The following KNDC1 variants were observed in gnomAD, a reference collection of about 807,000 sequenced individuals.
KNDC1 encodes the protein kinase non-catalytic C-lobe domain containing 1.
Under a neutral mutation model 172.8 loss-of-function variants are expected in KNDC1, and 106 were observed. That is an observed-to-expected ratio of 0.61 (90% CI 0.52 to 0.72). The LOEUF is 0.72. Among genes scored for constraint, KNDC1 ranks in the 30% least tolerant of loss-of-function variants. The probability of loss-of-function intolerance (pLI) is 0.00; values close to 1 mark genes in which losing one functional copy is unlikely to be tolerated. For missense variants in KNDC1, 2,325 were observed against 2,394.5 expected (o/e 0.97, Z 0.61); for synonymous variants, 1,083 against 1,062.2 (o/e 1.02, Z -0.38).
intron 3 of KNDC1, among the ~76,000 whole-genome samples, chr10:133,170,357 A>ATCTGGGGTCTGGCCTGGGG (rs1478939967): frequency 6.6e-6 from 1 of 151,170 alleles, no homozygotes; most frequent in African/African-American, 2.4e-5. Flanking sequence ...GGGGCCTGGG[A>ATCTGGGGTCTGGCCTGGGG]TCTGGGGTCT....
At chr10:133,205,111 G>A (rs970294419) in intron 17 of KNDC1, among the ~76,000 whole-genome samples, 3 of 151,498 alleles carry the variant, frequency 2.0e-5, no homozygotes, top group Admixed American at 6.6e-5. Flanking sequence ...CTAGAGGGAA[G>A]GGCCGTCTCT....
intron 9 of KNDC1, 105 bp downstream of exon 9, chr10:133,189,918 G>A (rs1388179755): frequency 2.0e-6 from 2 of 1,000,058 alleles, no homozygotes; most frequent in South Asian, 2.7e-5. Flanking sequence ...AGGGAGTCAG[G>A]GCAGCCCTTC....
At chr10:133,213,782 C>T (rs1845421313) in intron 25 of KNDC1, 55 bp downstream of exon 25, 1 of 1,543,984 alleles carries the variant, frequency 6.5e-7, no homozygotes, top group African/African-American at 1.4e-5. Context: ...CGGGGGCTTC[C>T]CGTAAGAGTC....
chr10:133,169,497 C>T (rs915900069), intron 3 of KNDC1, among the ~76,000 whole-genome samples: 2 of 152,248 alleles, frequency 1.3e-5, no homozygotes, highest in African/African-American at 4.8e-5. Context: ...TGGCTTCCCG[C>T]ACCCTGCTTA....
chr10:133,165,145 A>G (rs1853107212), intron 1 of KNDC1, among the ~76,000 whole-genome samples: 1 of 152,204 alleles, frequency 6.6e-6, no homozygotes, highest in South Asian at 2.1e-4. Flanking sequence ...GGCTGAGACC[A>G]TCCTATCCCT....
intron 26 of KNDC1, among the ~76,000 whole-genome samples, chr10:133,214,362 C>G (rs111868825): frequency 6.6e-6 from 1 of 152,186 alleles, no homozygotes; most frequent in African/African-American, 2.4e-5. Context: ...GCCACATCCA[C>G]GGCCACATCC....
At chr10:133,211,126 G>A (rs1000177906) in intron 21 of KNDC1, among the ~76,000 whole-genome samples, 1 of 152,082 alleles carries the variant, frequency 6.6e-6, no homozygotes, top group South Asian at 2.1e-4. Context: ...CTGGTGTCAG[G>A]AGAGGGGTGG....
chr10:133,165,045 G>A (rs1445713176), intron 1 of KNDC1, among the ~76,000 whole-genome samples: 1 of 152,200 alleles, frequency 6.6e-6, no homozygotes, highest in Non-Finnish European at 1.5e-5. Context: ...GTTCAGGCCT[G>A]GGAGCCCTCA....
At chr10:133,205,522 G>A (rs181583815) in intron 17 of KNDC1, among the ~76,000 whole-genome samples, 41 of 152,344 alleles carry the variant, frequency 2.7e-4, no homozygotes, top group Admixed American at 1.4e-3. Flanking sequence ...CAACGCTCAT[G>A]CTCTATGGAG....
intron 3 of KNDC1, 150 bp from the exon 4 acceptor site, chr10:133,183,194 G>A (rs1385673087): frequency 3.9e-5 from 38 of 970,984 alleles, no homozygotes; most frequent in Non-Finnish European, 5.0e-5. Context: ...GGGCGGCAAG[G>A]GTGTGGGCAG....
intron 9 of KNDC1, among the ~76,000 whole-genome samples, chr10:133,192,235 G>A (rs1854085691): frequency 2.0e-5 from 3 of 152,182 alleles, no homozygotes; most frequent in South Asian, 4.1e-4. Context: ...GAGGCATCAC[G>A]TTACCCAACT....
At chr10:133,188,361 C>T (rs1391040245) in intron 6 of KNDC1, among the ~76,000 whole-genome samples, 178 bp from the exon 7 acceptor site, 2 of 152,194 alleles carry the variant, frequency 1.3e-5, no homozygotes, top group African/African-American at 2.4e-5. Context: ...AGTCTCCCCA[C>T]GGCCCCCACA....
chr10:133,212,774 G>T lies in KNDC1; in HGVS notation c.4295G>T (p.Arg1432Leu). Residue 1432 changes from arginine (R) to leucine (L), a missense_variant, in exon 24 of 30, where the codon CGC (arginine) becomes CTC (leucine). Coordinates refer to ENST00000304613, the MANE Select transcript of KNDC1 (RefSeq NM_152643.8). The part of the protein sequence containing the change: ...NGLVLPPHKE[R>L]PYTIAAALPK... ...CTGGTGCTGCCGCCACACAAGGAGC[G>T]CCCCTACACCATTGCTGCCGCCCTG... is the stretch of plus-strand genomic sequence containing the variant. 6.2e-7 allele frequency: 1 copy of T among 1,613,868 alleles called. No homozygotes were observed. Among genetic ancestry groups the T allele is most frequent in the Non-Finnish European group, 8.5e-7 (1 of 1,179,920 alleles).
chr10:133,224,864 C>CGGA lies in KNDC1; in HGVS notation c.5228_5230dup (p.Arg1743dup), dbSNP rs1564904976. 1 of 1,613,738 alleles carries CGGA rather than the reference C, an allele frequency of 6.2e-7. No homozygotes were observed. The highest frequency in any genetic ancestry group is 8.5e-7 in the Non-Finnish European group (1 of 1,179,862). On this transcript the variant is annotated inframe_insertion, in exon 30 of 30. Transcript: ENST00000304613. The surrounding 1 kb of genome is among the most constrained non-coding windows in gnomAD (Gnocchi z 5.4). ...CTCACGGAAGATTCAGGACAAGCTA[C>CGGA]GGAGGATGAAGGCTACATTCCAGTA...
chr10:133,219,083 C>T lies in KNDC1; in HGVS notation c.4853C>T (p.Ala1618Val), dbSNP rs1191095613. 1.1e-5 allele frequency: 17 copies of T among 1,613,710 alleles called. No homozygotes were observed. The highest frequency in any genetic ancestry group is 1.4e-5 in the Non-Finnish European group (16 of 1,179,882). Reference sequence around the variant, plus strand: ...GCAGAGGTCATGGAGGAGCTGAAAGCCGTGGAGGTACCAGCACTTTACGTG... The same window carrying T: ...GCAGAGGTCATGGAGGAGCTGAAAGTCGTGGAGGTACCAGCACTTTACGTG... The part of the protein sequence containing the change: ...KIAEVMEELK[A>V]VEVFLKSDSL... Residue 1618 changes from alanine to valine, a missense_variant, in exon 28 of 30, where the codon GCC becomes GTC. By Grantham distance (64) the Ala-to-Val change is moderately conservative (BLOSUM62 0). Transcript: ENST00000304613.
At chr10:133,168,893 GGAGTCGGGCAACGGCAGCCCA>G (rs1411854139) in intron 3 of KNDC1, among the ~76,000 whole-genome samples, 1 of 152,238 alleles carries the variant, frequency 6.6e-6, no homozygotes, top group Admixed American at 6.5e-5. Flanking sequence ...TTGCGTGGGA[GGAGTCGGGCAACGGCAGCCCA>G]GCGCCTTGAG....
chr10:133,200,356 C>T lies in KNDC1; in HGVS notation c.2904-19C>T. On this transcript the variant is annotated intron_variant, in intron 15 of 29. Transcript: ENST00000304613. ...CCCAGTGGGCGGAGGTGGGGACTGA[C>T]CTGCATTCTCGTCGTCAGCACGGCC... The T allele has an allele frequency of 1.3e-6, 2 of 1,567,806 alleles. No homozygotes were observed. Among genetic ancestry groups the T allele is most frequent in the Non-Finnish European group, 1.7e-6 (2 of 1,157,394 alleles).
chr10:133,163,520 A>G lies in KNDC1; in HGVS notation c.102+2951A>G, dbSNP rs938569821. 6.6e-6 allele frequency among the ~76,000 whole-genome samples: 1 copy of G among 152,164 alleles called. No individual in the cohort carries two copies. Among genetic ancestry groups the G allele is most frequent in the African/African-American group, 2.4e-5 (1 of 41,434 alleles). On this transcript the variant is annotated intron_variant, in intron 1 of 29. Coordinates refer to ENST00000304613, the MANE Select transcript of KNDC1 (RefSeq NM_152643.8). This position sits in a 1 kb window ranked among gnomAD's most constrained non-coding sequence, Gnocchi z 4.4. ...GGTGGTTTTGTGGTGGGGGCCTGGC[A>G]GTGTGAAGAGAGCTGTCAGGAGGCC...
Position 133,198,855 on chromosome 10 carries a change from C to T in KNDC1, c.2347C>T (p.Pro783Ser). 6.3e-7 allele frequency: 1 copy of T among 1,598,776 alleles called. No homozygotes were observed. Among genetic ancestry groups the T allele is most frequent in the Non-Finnish European group, 8.5e-7 (1 of 1,175,834 alleles). The stretch of plus-strand genomic sequence containing the variant: ...ATCGGCAGCTCCCGGCTCTCCAGTC[C>T]CCGCCCCGCCCACGAAGGCATCTGC... ...ASSAAPGSPV[P>S]APPTKASALP... is the part of the protein sequence containing the mutation. Residue 783 changes from proline to serine, a missense_variant, in exon 14 of 30, where the codon CCC (proline) becomes TCC (serine). By Grantham distance (74) the Pro-to-Ser change is moderately conservative (BLOSUM62 -1). Transcript: ENST00000304613.
Sources: gnomAD v4.1 joint callset for allele counts (sites outside exome capture counted in the v4.1 genomes callset) on GRCh38, gnomAD v4.1.1 for gene constraint, Gnocchi (gnomAD v3.1) non-coding constraint, MANE v1.5 for transcripts, NCBI Gene and HGNC (gene_info 2026-07-23, HGNC 2026-07-21) for gene names.